PREX1: variants seen among roughly 807,000 people sequenced by gnomAD.
PREX1 encodes the protein phosphatidylinositol 3,4,5-trisphosphate-dependent Rac exchanger 1 protein.
In PREX1, 41 loss-of-function variants were observed where a neutral mutation model predicts 198.3. The ratio of observed to expected loss-of-function variants is 0.21; its 90% CI spans 0.16 to 0.27. The LOEUF is 0.27. PREX1 is among the 10% of genes least tolerant of loss of function. PREX1 has a pLI of 1.00. For synonymous variants in PREX1, 843 were observed against 887.2 expected (o/e 0.95, Z 0.89); for missense variants, 1,620 against 2,200.7 (o/e 0.74, Z 5.28).
intron 33 of PREX1, among the ~76,000 whole-genome samples, chr20:48,633,296 G>A (rs2089330620): frequency 6.6e-6 from 1 of 152,212 alleles, no homozygotes; most frequent in Non-Finnish European, 1.5e-5. Flanking sequence ...TGTCCCCAAG[G>A]AGGTGAAAAC....
At chr20:48,838,526 C>A in the PREX1 span, among the ~76,000 whole-genome samples, 1 of 152,000 alleles carries the variant, frequency 6.6e-6, no homozygotes, top group Admixed American at 6.5e-5. Context: ...TAGTATGTCC[C>A]CAATTTGGAA....
chr20:48,730,046 GA>G (rs1568842334), intron 4 of PREX1, among the ~76,000 whole-genome samples: 1 of 152,064 alleles, frequency 6.6e-6, no homozygotes, highest in Non-Finnish European at 1.5e-5. Context: ...GATTAAAGAG[GA>G]AAGACAGGAT....
At chr20:48,659,826 C>T in intron 16 of PREX1, 93 bp downstream of exon 16, 1 of 1,555,330 alleles carries the variant, frequency 6.4e-7, no homozygotes, top group African/African-American at 1.4e-5. Flanking sequence ...CAAGCTGAGC[C>T]CCCTTCCCTG....
intron 31 of PREX1, among the ~76,000 whole-genome samples, chr20:48,637,003 C>T (rs891987207): frequency 6.6e-6 from 1 of 152,264 alleles, no homozygotes; most frequent in African/African-American, 2.4e-5. Context: ...CATTTCTCCT[C>T]TCATTATGGG....
At chr20:48,716,590 G>A (rs761035425) in intron 5 of PREX1, among the ~76,000 whole-genome samples, 23 of 152,218 alleles carry the variant, frequency 1.5e-4, no homozygotes, top group Non-Finnish European at 5.9e-5. Context: ...GGAGAGAGGA[G>A]GATGAGCTGC....
intron 1 of PREX1, among the ~76,000 whole-genome samples, chr20:48,796,306 A>T (rs1043909753): frequency 9.1e-5 from 12 of 131,930 alleles, no homozygotes; most frequent in African/African-American, 1.3e-4. Context: ...AATAATAATT[A>T]AAAAAAAAAA....
intron 17 of PREX1, 126 bp from the exon 18 acceptor site, chr20:48,657,314 C>T: frequency 2.6e-6 from 3 of 1,175,244 alleles, no homozygotes; most frequent in Non-Finnish European, 3.6e-6. Context: ...GACTGGGTGA[C>T]TGCGTGCTGT....
Position 48,640,943 on chromosome 20 carries a change from T to C in PREX1, c.3776-1049A>G, listed in dbSNP as rs2089405538. 2.0e-5 allele frequency among the ~76,000 whole-genome samples: 3 copies of C among 151,544 alleles called. No individual in the cohort carries two copies. The South Asian group carries it at 6.3e-4, about 32-fold the overall frequency. ...GTGGGTAGTTGGGTGGAGGGGTGGA[T>C]GGACGGATGGATTGATGGGTGCATG... On this transcript the variant is annotated intron_variant, in intron 29 of 39. Coordinates refer to ENST00000371941, the MANE Select transcript of PREX1 (RefSeq NM_020820.4).
chr20:48,737,460 T>C (rs2090062059), intron 3 of PREX1, among the ~76,000 whole-genome samples: 1 of 152,072 alleles, frequency 6.6e-6, no homozygotes, highest in Admixed American at 6.5e-5. Flanking sequence ...GTGATGTCAA[T>C]GGGGTCAGCG....
chr20:48,711,919 G>A (rs1169596209), intron 5 of PREX1, among the ~76,000 whole-genome samples: 2 of 152,212 alleles, frequency 1.3e-5, no homozygotes, highest in Admixed American at 6.5e-5. Flanking sequence ...GCGAGCACCT[G>A]AAACCCTGGT....
Position 48,666,138 on chromosome 20 carries a change from G to T in PREX1, c.1738+145C>A, listed in dbSNP as rs1388439740. On this transcript the variant is annotated intron_variant, in intron 15 of 39. Transcript: ENST00000371941. The surrounding 1 kb of genome is among the most constrained non-coding windows in gnomAD (Gnocchi z 4.3). ...TCTCGATCGGTTCAGAACGGGAAGG[G>T]GAGGGAGGTGGGATTCGTGAGCCTC... 2 of 744,870 alleles carry T rather than the reference G, an allele frequency of 2.7e-6. No homozygotes were observed. The highest frequency in any genetic ancestry group is 3.5e-5 in the African/African-American group (2 of 57,392). The allele number at this position is 744,870 out of a possible 1,614,324, so 46.1% of individuals were successfully genotyped here.
chr20:48,776,520 G>A (rs1048312726), intron 1 of PREX1, among the ~76,000 whole-genome samples: 2 of 152,214 alleles, frequency 1.3e-5, no homozygotes, highest in Non-Finnish European at 2.9e-5. Flanking sequence ...TCCACGGGGC[G>A]GGGCTGGGGA....
Position 48,650,195 on chromosome 20 carries a change from T to A in PREX1, c.2829A>T (p.Gln943His), listed in dbSNP as rs771408493. 6.2e-7 allele frequency: 1 copy of A among 1,612,430 alleles called. No individual in the cohort carries two copies. Among genetic ancestry groups the A allele is most frequent in the Non-Finnish European group, 8.5e-7 (1 of 1,179,186 alleles). ...RIACYQEFAA[Q>H]LKSRVSPPFK... is the part of the protein sequence containing the mutation. ...AGGGTGGGCTGACCCTGCTCTTCAG[T>A]TGGGCTGCAAACTGAGAAAGTGGAG... is the stretch of plus-strand genomic sequence containing the variant. Residue 943 changes from glutamine (Q) to histidine (H), a missense_variant, in exon 24 of 40, where the codon CAA (glutamine) becomes CAT (histidine). Physicochemically the swap from Gln to His is conservative, Grantham distance 24. Coordinates refer to ENST00000371941, the MANE Select transcript of PREX1 (RefSeq NM_020820.4).
chr20:48,693,192 A>G lies in PREX1; in HGVS notation c.918-402T>C, dbSNP rs199758228. Among the ~76,000 whole-genome samples, 31 of 133,776 alleles carry G rather than the reference A, an allele frequency of 2.3e-4. 1 individual carries two copies. The highest frequency in any genetic ancestry group is 7.2e-4 in the African/African-American group (26 of 36,124). The allele number at this position is 133,776 out of a possible 152,430, so 87.8% of individuals were successfully genotyped here. On this transcript the variant is annotated intron_variant, in intron 7 of 39. Coordinates refer to ENST00000371941, the MANE Select transcript of PREX1 (RefSeq NM_020820.4). ...AGGGCTTGGAACTGGCAGTCCGTCC[A>G]TCCATCCATCCATCCATCCATCCAT...
chr20:48,671,173 T>G (rs1405606685), intron 14 of PREX1, among the ~76,000 whole-genome samples: 1 of 152,186 alleles, frequency 6.6e-6, no homozygotes, highest in Non-Finnish European at 1.5e-5. Flanking sequence ...GGGGTGTATG[T>G]CAGACCCATC....
At chr20:48,751,453 CT>C (rs1188417495) in intron 1 of PREX1, among the ~76,000 whole-genome samples, 1 of 152,236 alleles carries the variant, frequency 6.6e-6, no homozygotes, top group Non-Finnish European at 1.5e-5. Context: ...GGGCCACCCA[CT>C]GAGGAACTGC....
At chr20:48,847,128 T>C in the PREX1 span, among the ~76,000 whole-genome samples, 5 of 152,176 alleles carry the variant, frequency 3.3e-5, no homozygotes, top group South Asian at 1.0e-3. Context: ...AAAAAGACAG[T>C]GCTAGGATCC....
chr20:48,673,029 T>TAAA (rs11478310), intron 14 of PREX1, among the ~76,000 whole-genome samples: 1 of 146,720 alleles, frequency 6.8e-6, no homozygotes, highest in African/African-American at 2.5e-5. Context: ...CAAAAATAAT[T>TAAA]AAAAAAAAAA....
At chr20:48,638,667 C>G (rs1233979386) in intron 30 of PREX1, among the ~76,000 whole-genome samples, 1 of 151,810 alleles carries the variant, frequency 6.6e-6, no homozygotes, top group East Asian at 1.9e-4. Flanking sequence ...CCACGCCAGG[C>G]AGCCAGGCCA....
Sources: allele counts gnomAD v4.1 joint callset (sites outside exome capture counted in the v4.1 genomes callset), GRCh38; gene constraint gnomAD v4.1.1; non-coding constraint Gnocchi (gnomAD v3.1); transcripts MANE v1.5; gene names NCBI Gene and HGNC (gene_info 2026-07-23, HGNC 2026-07-21).